The following PBX1 variants were observed in gnomAD, a reference collection of about 807,000 sequenced individuals.
The protein encoded by PBX1 is pre-B-cell leukemia transcription factor 1.
Under a neutral mutation model 53.4 loss-of-function variants are expected in PBX1, and 6 were observed. The observed-to-expected ratio is 0.11, with a 90% confidence interval of 0.06 to 0.22. The LOEUF is 0.22. PBX1 is among the 10% of genes least tolerant of loss of function. PBX1 has a pLI of 1.00. For missense variants in PBX1, 251 were observed against 551.4 expected (o/e 0.46, Z 5.46); for synonymous variants, 204 against 212.3 (o/e 0.96, Z 0.34).
intron 2 of PBX1, chr1:164,642,883 A>C (rs994053939): frequency 3.3e-5 from 5 of 152,168 alleles, no homozygotes; most frequent in African/African-American, 1.2e-4. Context: ...AGATGAAAGG[A>C]TAGAGAAGCT....
intron 2 of PBX1, among the ~76,000 whole-genome samples, chr1:164,655,855 A>G (rs1237976946): frequency 2.0e-5 from 3 of 152,180 alleles, no homozygotes; most frequent in Admixed American, 2.0e-4. Flanking sequence ...ATAGTCTAAC[A>G]TGGTGTAAGG....
At chr1:164,654,975 T>A (rs1660060334) in intron 2 of PBX1, among the ~76,000 whole-genome samples, 1 of 152,176 alleles carries the variant, frequency 6.6e-6, no homozygotes, top group Non-Finnish European at 1.5e-5. Flanking sequence ...GCTCCTAGCG[T>A]GGCCTTCTTG....
chr1:164,586,939 A>C (rs1392678598), intron 2 of PBX1, among the ~76,000 whole-genome samples: 2 of 152,186 alleles, frequency 1.3e-5, no homozygotes, highest in African/African-American at 4.8e-5. Flanking sequence ...ACAGTCCACC[A>C]GGATTTTATA....
intron 2 of PBX1, among the ~76,000 whole-genome samples, chr1:164,722,696 C>T (rs954363548): frequency 1.3e-5 from 2 of 152,096 alleles, no homozygotes; most frequent in African/African-American, 4.8e-5. Flanking sequence ...CATTTTTCTT[C>T]TTTGTCACTT....
chr1:164,739,617 C>T (rs192435714), intron 2 of PBX1, among the ~76,000 whole-genome samples: 4 of 152,226 alleles, frequency 2.6e-5, no homozygotes, highest in Non-Finnish European at 4.4e-5. Flanking sequence ...GCTTAAATTG[C>T]TGTCTTTAAA....
intron 2 of PBX1, among the ~76,000 whole-genome samples, chr1:164,681,728 A>G (rs1428899762): frequency 1.3e-5 from 2 of 152,196 alleles, no homozygotes; most frequent in African/African-American, 4.8e-5. Context: ...ATGAGGTACT[A>G]TGCTTATTAC....
intron 2 of PBX1, among the ~76,000 whole-genome samples, chr1:164,724,603 T>G (rs916362148): frequency 1.3e-5 from 2 of 149,460 alleles, no homozygotes; most frequent in Non-Finnish European, 3.0e-5. Flanking sequence ...GTCTAGACAG[T>G]GTTAATGATA....
In PBX1 at chr1:164,596,462, G is replaced by A. The variant is rs571193945; in HGVS notation, c.265+33151G>A. Among the ~76,000 whole-genome samples, 33 of 152,354 alleles carry A rather than the reference G, an allele frequency of 2.2e-4. No homozygotes were observed. The South Asian group carries it at 2.7e-3, about 12-fold the overall frequency. On this transcript the variant is annotated intron_variant, in intron 2 of 8. Coordinates refer to ENST00000420696, the MANE Select transcript of PBX1 (RefSeq NM_002585.4). ...TAGAGCAGTGGTTCTAACCATGGGTGATTTGCCCCCAGGGGCCATTTGGCA... is the reference window on the plus strand; with the variant it reads ...TAGAGCAGTGGTTCTAACCATGGGTAATTTGCCCCCAGGGGCCATTTGGCA...
At chr1:164,692,679 G>A (rs1186445496) in intron 2 of PBX1, among the ~76,000 whole-genome samples, 4 of 152,162 alleles carry the variant, frequency 2.6e-5, no homozygotes, top group Non-Finnish European at 5.9e-5. Flanking sequence ...GGCCAAACAA[G>A]GGTGGGAGCA....
chr1:164,561,156 T>C (rs1035117327), intron 1 of PBX1, among the ~76,000 whole-genome samples: 1 of 152,224 alleles, frequency 6.6e-6, no homozygotes, highest in Non-Finnish European at 1.5e-5. Context: ...AAGTAGCGTT[T>C]TTCTCTTTGA....
rs1472576764 is a variant in PBX1 at position 164,848,872 on chromosome 1, C to T, written c.*2196C>T. 1.9e-6 allele frequency: 2 copies of T among 1,066,518 alleles called. No homozygotes were observed. 66.1% of individuals were successfully genotyped at this position (1,066,518 alleles called of 1,614,324 possible). On this transcript the variant is annotated 3_prime_UTR_variant, in exon 9 of 9. Transcript: ENST00000420696. ...AGCAGGGGATGCCACTGAAGAAACT[C>T]AAGGGAATGTGTATTTGAAGGAAAT...
intron 2 of PBX1, among the ~76,000 whole-genome samples, chr1:164,577,224 A>G (rs1654315155): frequency 6.6e-6 from 1 of 152,136 alleles, no homozygotes; most frequent in African/African-American, 2.4e-5. Context: ...GAGATTTTTA[A>G]CCCAAAGAAC....
chr1:164,834,717 A>G lies in PBX1; in HGVS notation c.1201-11867A>G, dbSNP rs1164513558. On this transcript the variant is annotated intron_variant, in intron 8 of 8. Coordinates refer to ENST00000420696, the MANE Select transcript of PBX1 (RefSeq NM_002585.4). Reference sequence around the variant, plus strand: ...CAGGTTATTGTTGTATTTTGAAAAGAGTTATGAAATCCCTTGCTAACTTTC... The same window carrying G: ...CAGGTTATTGTTGTATTTTGAAAAGGGTTATGAAATCCCTTGCTAACTTTC... Among the ~76,000 whole-genome samples, 3 of 152,346 alleles carry G rather than the reference A, an allele frequency of 2.0e-5. No individual in the cohort carries two copies. The East Asian group carries it at 5.8e-4, about 29-fold the overall frequency.
chr1:164,763,920 C>T (rs1320768958), intron 2 of PBX1, among the ~76,000 whole-genome samples: 1 of 152,096 alleles, frequency 6.6e-6, no homozygotes, highest in East Asian at 1.9e-4. Flanking sequence ...ATTCACATTC[C>T]CCCTTGGTGT....
intron 2 of PBX1, among the ~76,000 whole-genome samples, chr1:164,859,944 A>G (rs1418079675): frequency 6.6e-6 from 1 of 152,250 alleles, no homozygotes; most frequent in Non-Finnish European, 1.5e-5. Context: ...AAGAAATAGA[A>G]TTAGACTGGG....
At chr1:164,803,949 G>A (rs1341954807) in intron 4 of PBX1, among the ~76,000 whole-genome samples, 2 of 152,098 alleles carry the variant, frequency 1.3e-5, no homozygotes, top group Non-Finnish European at 2.9e-5. Flanking sequence ...TATTAGTATA[G>A]TATCTGGCAT....
chr1:164,862,262 C>G (rs1370071077), intron 2 of PBX1, among the ~76,000 whole-genome samples: 1 of 152,160 alleles, frequency 6.6e-6, no homozygotes, highest in Non-Finnish European at 1.5e-5. Flanking sequence ...CACACGATTT[C>G]TCCTGCCTGG....
chr1:164,651,310 T>C (rs930459985), intron 2 of PBX1, among the ~76,000 whole-genome samples: 2 of 151,668 alleles, frequency 1.3e-5, no homozygotes, highest in Non-Finnish European at 2.9e-5. Context: ...AAGCTGTCGG[T>C]TTGCATTGTG....
chr1:164,608,670 C>T (rs1478806666), intron 2 of PBX1, among the ~76,000 whole-genome samples: 3 of 152,156 alleles, frequency 2.0e-5, no homozygotes, highest in Non-Finnish European at 4.4e-5. Flanking sequence ...AGGTCTGACT[C>T]CCACTTCTAA....
Sources: gnomAD v4.1 joint callset for allele counts (sites outside exome capture counted in the v4.1 genomes callset) on GRCh38, gnomAD v4.1.1 for gene constraint, MANE v1.5 for transcripts, NCBI Gene and HGNC (gene_info 2026-07-23, HGNC 2026-07-21) for gene names.